The following IQGAP2 variants were observed in gnomAD, a reference collection of about 807,000 sequenced individuals.
The protein encoded by IQGAP2 is ras GTPase-activating-like protein IQGAP2.
IQGAP2 carries 173 observed loss-of-function variants against 201.3 expected under a neutral mutation model. The ratio of observed to expected loss-of-function variants is 0.86; its 90% CI spans 0.76 to 0.98. The LOEUF is 0.98. IQGAP2 is among the 50% of genes least tolerant of loss of function. IQGAP2 has a pLI of 0.00. For missense variants in IQGAP2, 1,687 were observed against 1,864.8 expected (o/e 0.90, Z 1.76); for synonymous variants, 675 against 673.9 (o/e 1.00, Z -0.03).
intron 1 of IQGAP2, among the ~76,000 whole-genome samples, chr5:76,424,161 G>T (rs1454402876): frequency 6.6e-6 from 1 of 152,168 alleles, no homozygotes; most frequent in African/African-American, 2.4e-5. Flanking sequence ...CTGAACTGTA[G>T]AATTCGTGAG....
chr5:76,649,542 T>C (rs1013122627), intron 17 of IQGAP2, among the ~76,000 whole-genome samples: 1 of 152,134 alleles, frequency 6.6e-6, no homozygotes, highest in Non-Finnish European at 1.5e-5. Context: ...ACTCTTGAGT[T>C]TTTAAAGTTG....
At chr5:76,668,958 T>A (rs1325791913) in intron 23 of IQGAP2, 114 bp downstream of exon 23, 1 of 603,468 alleles carries the variant, frequency 1.7e-6, no homozygotes, top group Admixed American at 4.0e-5. Context: ...TTCCCACATA[T>A]TAAAATATAT....
intron 13 of IQGAP2, among the ~76,000 whole-genome samples, chr5:76,611,965 G>C (rs896560461): frequency 6.6e-6 from 1 of 152,160 alleles, no homozygotes; most frequent in Non-Finnish European, 1.5e-5. Context: ...CTCTGTCTAG[G>C]TCTTTAGAAC....
At chr5:76,535,100 A>G (rs1461879250) in intron 2 of IQGAP2, among the ~76,000 whole-genome samples, 2 of 152,204 alleles carry the variant, frequency 1.3e-5, no homozygotes, top group Non-Finnish European at 2.9e-5. Flanking sequence ...GCTGGACCTC[A>G]GGGCCTAGGT....
At chr5:76,599,245 C>G (rs1392848905) in intron 10 of IQGAP2, among the ~76,000 whole-genome samples, 1 of 152,044 alleles carries the variant, frequency 6.6e-6, no homozygotes, top group Non-Finnish European at 1.5e-5. Context: ...AAAAGACTCC[C>G]TATGTTTCCT....
Position 76,689,246 on chromosome 5 carries a change from A to AAC in IQGAP2, c.3906-4108_3906-4107insCA, listed in dbSNP as rs1332212854. Among the ~76,000 whole-genome samples the AAC allele has an allele frequency of 9.3e-5, 14 of 149,752 alleles. No homozygotes were observed. The East Asian group carries it at 2.7e-3, about 29-fold the overall frequency. On this transcript the variant is annotated intron_variant, in intron 30 of 35. Transcript: ENST00000274364. ...AGGGATATTTAAAAAAAAAAAAAAA[A>AAC]AAAAAAAAAACCTGGTCGAGGAATC...
chr5:76,515,922 G>A (rs1309750433), intron 2 of IQGAP2, among the ~76,000 whole-genome samples: 4 of 133,920 alleles, frequency 3.0e-5, no homozygotes, highest in African/African-American at 1.2e-4. Flanking sequence ...CTGTTACCCA[G>A]GCTGGAGTGC....
chr5:76,559,753 C>T (rs1391668136), intron 2 of IQGAP2, among the ~76,000 whole-genome samples: 1 of 152,112 alleles, frequency 6.6e-6, no homozygotes, highest in Admixed American at 6.5e-5. Flanking sequence ...GTGTGGTCTC[C>T]CCAGGTCTGC....
chr5:76,544,158 C>A (rs749430809), intron 2 of IQGAP2, among the ~76,000 whole-genome samples: 60 of 152,164 alleles, frequency 3.9e-4, no homozygotes, highest in Non-Finnish European at 1.2e-4. Context: ...ATGGCCATGG[C>A]ACCCCAAATG....
chr5:76,504,264 G>T (rs1757467090), intron 2 of IQGAP2, among the ~76,000 whole-genome samples: 1 of 152,178 alleles, frequency 6.6e-6, no homozygotes, highest in African/African-American at 2.4e-5. Flanking sequence ...TGTCCTGGTG[G>T]TGAGGGAGCA....
chr5:76,448,509 G>A (rs1753539592), intron 1 of IQGAP2, among the ~76,000 whole-genome samples: 1 of 152,156 alleles, frequency 6.6e-6, no homozygotes, highest in South Asian at 2.1e-4. Context: ...ATCTGGAGTA[G>A]CTGAAGATCT....
chr5:76,676,286 T>C (rs1420413856), intron 27 of IQGAP2, among the ~76,000 whole-genome samples: 1 of 152,194 alleles, frequency 6.6e-6, no homozygotes, highest in Non-Finnish European at 1.5e-5. Flanking sequence ...CCTTTGTGTT[T>C]CTCAGAAATC....
intron 1 of IQGAP2, among the ~76,000 whole-genome samples, chr5:76,425,153 A>G (rs1241150807): frequency 6.6e-6 from 1 of 152,130 alleles, no homozygotes; most frequent in Admixed American, 6.5e-5. Context: ...CTTTCCCTGC[A>G]TTCGCTTAAT....
At chr5:76,455,968 G>C (rs752642769) in intron 1 of IQGAP2, among the ~76,000 whole-genome samples, 3 of 152,180 alleles carry the variant, frequency 2.0e-5, no homozygotes, top group Non-Finnish European at 4.4e-5. Context: ...TGGGGGAACA[G>C]TTCCAGGAAT....
intron 18 of IQGAP2, among the ~76,000 whole-genome samples, chr5:76,653,535 T>C (rs752570975): frequency 6.6e-6 from 1 of 152,160 alleles, no homozygotes; most frequent in African/African-American, 2.4e-5. Flanking sequence ...GGTGGGAGGA[T>C]AGCTTGAGCC....
chr5:76,635,712 G>T (rs904154182), intron 15 of IQGAP2, among the ~76,000 whole-genome samples: 2 of 152,012 alleles, frequency 1.3e-5, no homozygotes, highest in Admixed American at 1.3e-4. Flanking sequence ...GGTGTTGCAT[G>T]ATCCTGTGGT....
At chr5:76,505,831 G>A (rs939124996) in intron 2 of IQGAP2, among the ~76,000 whole-genome samples, 46 of 152,198 alleles carry the variant, frequency 3.0e-4, no homozygotes, top group African/African-American at 9.4e-4. Flanking sequence ...TATGTTCTAG[G>A]CACTACGCTG....
At chr5:76,637,504 A>G (rs1751241546) in intron 16 of IQGAP2, among the ~76,000 whole-genome samples, 1 of 152,196 alleles carries the variant, frequency 6.6e-6, no homozygotes, top group South Asian at 2.1e-4. Flanking sequence ...CTGGGTTGTC[A>G]ATATTTAAAA....
intron 31 of IQGAP2, 110 bp from the exon 32 acceptor site, chr5:76,695,344 C>G: frequency 1.2e-6 from 1 of 853,210 alleles, no homozygotes; most frequent in South Asian, 1.7e-5. Flanking sequence ...AGTCTCTGAA[C>G]TTTGGCTGGA....
Sources: gnomAD v4.1 joint callset for allele counts (sites outside exome capture counted in the v4.1 genomes callset) on GRCh38, gnomAD v4.1.1 for gene constraint, MANE v1.5 for transcripts, NCBI Gene and HGNC (gene_info 2026-07-23, HGNC 2026-07-21) for gene names.